CWC27: variants seen among roughly 807,000 people sequenced by gnomAD.
CWC27 encodes the protein spliceosome-associated protein CWC27 homolog.
In CWC27, 47 loss-of-function variants were observed where a neutral mutation model predicts 63.6. The observed-to-expected ratio is 0.74, with a 90% CI of 0.58 to 0.94. The LOEUF (loss-of-function observed/expected upper bound fraction) is 0.94, where lower values mean the gene tolerates loss of function less well. Among genes scored for constraint, CWC27 ranks in the 40% least tolerant of loss-of-function variants. The pLI is 0.00. For missense variants in CWC27, 495 were observed against 554.3 expected, an observed-to-expected ratio of 0.89 and a Z score of 1.07; for synonymous variants, 175 against 179.8, an observed-to-expected ratio of 0.97 and a Z score of 0.22.
At chr5:64,785,225 G>A (rs924031606) in intron 4 of CWC27, among the ~76,000 whole-genome samples, 4 of 151,936 alleles carry the variant, frequency 2.6e-5, no homozygotes, top group African/African-American at 9.7e-5. Context: ...GAGATTATTT[G>A]GCATTATATT....
intron 11 of CWC27, among the ~76,000 whole-genome samples, chr5:64,910,636 A>G (rs956082143): frequency 4.6e-5 from 7 of 152,124 alleles, no homozygotes; most frequent in Non-Finnish European, 8.8e-5. Context: ...TGCTTTGTTT[A>G]CCTACTCAAG....
At chr5:64,822,841 G>C (rs974184436) in intron 10 of CWC27, among the ~76,000 whole-genome samples, 29 of 152,182 alleles carry the variant, frequency 1.9e-4, no homozygotes, top group African/African-American at 7.0e-4. Flanking sequence ...TACTATTTTA[G>C]ATTATTATTT....
chr5:64,933,744 G>C (rs571795078), intron 11 of CWC27, among the ~76,000 whole-genome samples: 1 of 151,982 alleles, frequency 6.6e-6, no homozygotes, highest in Non-Finnish European at 1.5e-5. Context: ...ACCCACCTCT[G>C]CCTCCCAAAG....
At chr5:64,881,932 G>T (rs12173090) in intron 10 of CWC27, among the ~76,000 whole-genome samples, 2 of 151,930 alleles carry the variant, frequency 1.3e-5, no homozygotes, top group Non-Finnish European at 2.9e-5. Flanking sequence ...CAAATTGAAA[G>T]CTATACAAAG....
chr5:64,878,956 G>A (rs1335132093), intron 10 of CWC27, among the ~76,000 whole-genome samples: 1 of 151,858 alleles, frequency 6.6e-6, no homozygotes, highest in African/African-American at 2.4e-5. Context: ...GAGTAGAACT[G>A]TAGGATTTGG....
chr5:64,910,310 T>C (rs1006868842), intron 11 of CWC27, among the ~76,000 whole-genome samples: 1 of 152,148 alleles, frequency 6.6e-6, no homozygotes, highest in Non-Finnish European at 1.5e-5. Flanking sequence ...GCCTGATCCT[T>C]CCTCTGGAAG....
intron 11 of CWC27, among the ~76,000 whole-genome samples, chr5:64,904,215 C>T (rs1231452403): frequency 1.3e-5 from 2 of 152,186 alleles, no homozygotes; most frequent in Non-Finnish European, 2.9e-5. Flanking sequence ...TTCTTTAGGT[C>T]AGCACCCCAC....
chr5:64,870,603 A>G (rs982894056), intron 10 of CWC27, among the ~76,000 whole-genome samples: 3 of 152,262 alleles, frequency 2.0e-5, no homozygotes, highest in Non-Finnish European at 4.4e-5. Context: ...CACAGAAAGA[A>G]TGATGAATCA....
intron 10 of CWC27, among the ~76,000 whole-genome samples, chr5:64,874,803 AT>A (rs1290170123): frequency 1.3e-5 from 2 of 151,666 alleles, no homozygotes; most frequent in African/African-American, 4.8e-5. Context: ...GTTTTTAAAA[AT>A]GTACTCTATT....
intron 2 of CWC27, among the ~76,000 whole-genome samples, chr5:64,778,417 A>C (rs1345701679): frequency 6.6e-6 from 1 of 152,142 alleles, no homozygotes; most frequent in South Asian, 2.1e-4. Context: ...TCATGTGCAC[A>C]GTGCTCAAAA....
chr5:64,956,480 C>T (rs1580748358), intron 11 of CWC27, among the ~76,000 whole-genome samples: 1 of 152,164 alleles, frequency 6.6e-6, no homozygotes, highest in East Asian at 1.9e-4. Flanking sequence ...CGTTTACCTG[C>T]TATTGCCAAA....
intron 12 of CWC27, among the ~76,000 whole-genome samples, chr5:64,973,763 C>T (rs942364684): frequency 6.6e-6 from 1 of 152,122 alleles, no homozygotes; most frequent in African/African-American, 2.4e-5. Context: ...GCCAGTAGCT[C>T]ATTAATTGGC....
At chr5:64,911,492 C>G (rs1747784775) in intron 11 of CWC27, among the ~76,000 whole-genome samples, 1 of 152,112 alleles carries the variant, frequency 6.6e-6, no homozygotes, top group Non-Finnish European at 1.5e-5. Flanking sequence ...AAAAATAAAT[C>G]TCTATAAGAC....
chr5:64,971,617 C>T, intron 11 of CWC27, 86 bp from the exon 12 acceptor site: 1 of 1,071,226 alleles, frequency 9.3e-7, no homozygotes, highest in Non-Finnish European at 1.3e-6. Flanking sequence ...TGCCAACCTC[C>T]TCTTCAGCAA....
intron 11 of CWC27, among the ~76,000 whole-genome samples, chr5:64,927,190 A>G (rs754966527): frequency 8.5e-5 from 13 of 152,196 alleles, no homozygotes; most frequent in Admixed American, 2.0e-4. Flanking sequence ...CATTTAGTAA[A>G]TCTGGCAAGT....
chr5:64,813,176 A>G (rs895069243), intron 10 of CWC27, among the ~76,000 whole-genome samples: 1 of 152,168 alleles, frequency 6.6e-6, no homozygotes, highest in Non-Finnish European at 1.5e-5. Context: ...AAATTTTGGA[A>G]TAGTATTAAT....
rs70983659 is a variant in CWC27 at position 65,004,378 on chromosome 5, C to CTTTT, written c.1257-13764_1257-13761dup. 6.7e-4 allele frequency among the ~76,000 whole-genome samples: 53 copies of CTTTT among 79,506 alleles called. 1 individual carries two copies. Among genetic ancestry groups the CTTTT allele is most frequent in the African/African-American group, 1.0e-3 (20 of 19,900 alleles). The allele number at this position is 79,506 out of a possible 152,430, so 52.2% of individuals were successfully genotyped here. A position where few individuals can be genotyped will look rare whatever the true frequency, so the allele number is the denominator to read the frequency against. ...CATGGTGTCCCATATGTTGTATAGG[C>CTTTT]TTTTTTTTTTTTTTTTTTTTGGTGG... On this transcript the variant is annotated intron_variant, in intron 13 of 13. Transcript: ENST00000381070.
chr5:64,804,510 C>G, intron 10 of CWC27, 124 bp downstream of exon 10: 2 of 1,058,882 alleles, frequency 1.9e-6, no homozygotes, highest in South Asian at 2.1e-5. Context: ...ATAAACATAA[C>G]AGTTGTACAA....
At chr5:64,992,632 C>T (rs903918350) in intron 13 of CWC27, among the ~76,000 whole-genome samples, 3 of 151,620 alleles carry the variant, frequency 2.0e-5, no homozygotes, top group South Asian at 2.1e-4. Flanking sequence ...CCTGGGTTCA[C>T]GCCATTCTTC....
Sources: gnomAD v4.1 joint callset for allele counts (sites outside exome capture counted in the v4.1 genomes callset) on GRCh38, gnomAD v4.1.1 for gene constraint, MANE v1.5 for transcripts, NCBI Gene and HGNC (gene_info 2026-07-23, HGNC 2026-07-21) for gene names.